CRX: variants seen among roughly 807,000 people sequenced by gnomAD.
The protein encoded by CRX is cone-rod homeobox protein.
Under a neutral mutation model 13.1 loss-of-function variants are expected in CRX, and 5 were observed. That is an observed-to-expected ratio of 0.38 (90% CI 0.20 to 0.80). The LOEUF (loss-of-function observed/expected upper bound fraction) is 0.80, where lower values mean the gene tolerates loss of function less well. Among genes scored for constraint, CRX ranks in the 30% least tolerant of loss-of-function variants. The pLI is 0.43. For missense variants in CRX, 351 were observed against 391.8 expected (o/e 0.90, Z 0.88); for synonymous variants, 179 against 171.1 (o/e 1.05, Z -0.36).
At chr19:47,828,526 A>G (rs1968003824) in intron 1 of CRX, among the ~76,000 whole-genome samples, 1 of 152,064 alleles carries the variant, frequency 6.6e-6, no homozygotes, top group Non-Finnish European at 1.5e-5. Flanking sequence ...CAGGTAACTG[A>G]TAGAATTTGA....
chr19:47,839,171 G>A lies in CRX; in HGVS notation c.253-149G>A, dbSNP rs1737616611. On this transcript the variant is annotated intron_variant, in intron 3 of 3. Coordinates refer to ENST00000221996, the MANE Select transcript of CRX (RefSeq NM_000554.6). The surrounding 1 kb of genome is among the most constrained non-coding windows in gnomAD (Gnocchi z 4.6). Reference sequence around the variant, plus strand: ...GATTGGATGGATAGATGGATGGATGGGTGAATAGACGCCCCACAGCTGGAT... The same window carrying A: ...GATTGGATGGATAGATGGATGGATGAGTGAATAGACGCCCCACAGCTGGAT... 8.9e-6 allele frequency: 7 copies of A among 785,654 alleles called. No individual in the cohort carries two copies. The South Asian group carries it at 1.2e-4, about 13-fold the overall frequency. The allele number at this position is 785,654 out of a possible 1,614,324, so 48.7% of individuals were successfully genotyped here.
At chr19:47,833,029 CTTTTTTTT>C (rs35088115) in intron 1 of CRX, among the ~76,000 whole-genome samples, 2 of 88,274 alleles carry the variant, frequency 2.3e-5, no homozygotes, top group Non-Finnish European at 4.4e-5. Context: ...TCCACACTCG[CTTTTTTTT>C]TTTTTTTTTT....
rs755208952 is a variant in CRX, at chr19:47,839,878, G to A, written c.811G>A (p.Asp271Asn). 9 of 1,613,938 alleles carry A rather than the reference G, an allele frequency of 5.6e-6. No homozygotes were observed. The highest frequency in any genetic ancestry group is 3.4e-6 in the Non-Finnish European group (4 of 1,180,040). The change falls in exon 4 of 4, where the codon GAC becomes AAC. Residue 271 changes from aspartate (D) to asparagine (N), a missense_variant. By Grantham distance (23) the Asp-to-Asn change is conservative. This residue lies in a region of CRX where 253 missense variants were observed against 268.3 expected (regional missense o/e 0.94). Coordinates refer to ENST00000221996, the MANE Select transcript of CRX (RefSeq NM_000554.6). The surrounding 1 kb of genome is among the most constrained non-coding windows in gnomAD (Gnocchi z 4.6). The part of the protein sequence containing the change: ...YSPVDSLEFK[D>N]PTGTWKFTYN... ...CCCCGTGGATAGCTTGGAATTCAAG[G>A]ACCCCACGGGCACCTGGAAATTCAC...
intron 1 of CRX, among the ~76,000 whole-genome samples, chr19:47,833,316 C>G (rs1968077544): frequency 6.6e-6 from 1 of 150,950 alleles, no homozygotes; most frequent in African/African-American, 2.4e-5. Context: ...GAGTCTCGCT[C>G]TGTCGCCCAG....
At chr19:47,829,333 T>C in intron 1 of CRX, among the ~76,000 whole-genome samples, 1 of 151,936 alleles carries the variant, frequency 6.6e-6, no homozygotes, top group Admixed American at 6.6e-5. Flanking sequence ...TACTTTATTA[T>C]TATGACTCTT....
chr19:47,834,344 G>A, intron 1 of CRX, 65 bp from the exon 2 acceptor site: 2 of 923,160 alleles, frequency 2.2e-6, no homozygotes, highest in Non-Finnish European at 3.6e-6. Flanking sequence ...TTGAATCGCA[G>A]CCTGCACGTC....
chr19:47,824,845 A>G (rs879902664), intron 1 of CRX, among the ~76,000 whole-genome samples: 1 of 151,898 alleles, frequency 6.6e-6, no homozygotes, highest in Non-Finnish European at 1.5e-5. Context: ...ACCCCTTGAA[A>G]TCATAAAACA....
intron 1 of CRX, among the ~76,000 whole-genome samples, chr19:47,831,123 A>C (rs1439634768): frequency 6.6e-6 from 1 of 151,840 alleles, no homozygotes; most frequent in Non-Finnish European, 1.5e-5. Context: ...CCTGGCCAAC[A>C]TGGTGAAACC....
intron 1 of CRX, among the ~76,000 whole-genome samples, chr19:47,823,649 GT>G (rs58548004): frequency 0.035 from 4,592 of 129,482 alleles, 78 homozygotes; most frequent in Middle Eastern, 0.064. Context: ...CATGAGTCTG[GT>G]TTTTTTTTTT....
Position 47,840,333 on chromosome 19 carries a change from C to T in CRX, c.*366C>T, listed in dbSNP as rs560185740. ...GGGGTCATGTTTAGGTCAGAATCAC[C>T]GTGCCCTTGAACAAGCAGGTAGGGG... On this transcript the variant is annotated 3_prime_UTR_variant, in exon 4 of 4. Transcript: ENST00000221996. 92 of 266,944 alleles carry T rather than the reference C, an allele frequency of 3.4e-4. 1 individual carries two copies. The South Asian group carries it at 4.0e-3, about 12-fold the overall frequency. The allele number at this position is 266,944 out of a possible 1,614,324, so 16.5% of individuals were successfully genotyped here.
At chr19:47,833,716 G>A (rs562657865) in intron 1 of CRX, among the ~76,000 whole-genome samples, 1 of 152,338 alleles carries the variant, frequency 6.6e-6, no homozygotes, top group East Asian at 1.9e-4. Flanking sequence ...GGCAAAGAGG[G>A]ACGGTTGGTC....
In CRX at chr19:47,839,793, G is replaced by A. The variant is rs371406142; in HGVS notation, c.726G>A (p.Val242=). The A allele has an allele frequency of 6.2e-7, 1 of 1,613,962 alleles. No individual in the cohort carries two copies. The highest frequency in any genetic ancestry group is 1.3e-5 in the African/African-American group (1 of 74,884). ...TTAGCCCCCTCTCTGGCCCCTCCGT[G>A]GGACCTTCCCTGGCCCAGTCCCCCA... is the stretch of plus-strand genomic sequence containing the variant. ...PALSPLSGPS[V]GPSLAQSPTS... is the part of the protein sequence containing the mutation. Residue 242 remains valine, a synonymous_variant, in exon 4 of 4, where the codon GTG becomes GTA. Coordinates refer to ENST00000221996, the MANE Select transcript of CRX (RefSeq NM_000554.6). This position sits in a 1 kb window ranked among gnomAD's most constrained non-coding sequence, Gnocchi z 4.6.
At chr19:47,831,306 C>CAAAA (rs5828320) in intron 1 of CRX, among the ~76,000 whole-genome samples, 23 of 78,500 alleles carry the variant, frequency 2.9e-4, no homozygotes, top group South Asian at 5.4e-4. Flanking sequence ...GACTCTGTCT[C>CAAAA]AAAAAAAAAA....
chr19:47,839,688 C>T lies in CRX; in HGVS notation c.621C>T (p.Ala207=). The change falls in exon 4 of 4, where the codon GCC becomes GCT. Residue 207 remains alanine, a synonymous_variant. Transcript: ENST00000221996. The surrounding 1 kb of genome is among the most constrained non-coding windows in gnomAD (Gnocchi z 4.6). The part of the protein sequence containing the change: ...PASAFCSSPS[A]YGSPSSYFSG... Reference sequence around the variant, plus strand: ...CCGCTTTCTGCTCTTCCCCCTCCGCCTATGGGTCTCCGAGCTCCTATTTCA... The same window carrying T: ...CCGCTTTCTGCTCTTCCCCCTCCGCTTATGGGTCTCCGAGCTCCTATTTCA... The T allele has an allele frequency of 6.2e-7, 1 of 1,613,968 alleles. No homozygotes were observed. The highest frequency in any genetic ancestry group is 8.5e-7 in the Non-Finnish European group (1 of 1,180,010).
At chr19:47,832,321 G>C (rs867492493) in intron 1 of CRX, among the ~76,000 whole-genome samples, 46 of 149,386 alleles carry the variant, frequency 3.1e-4, no homozygotes, top group African/African-American at 1.1e-3. Context: ...GGCCAGGCTG[G>C]TCTCGAACTT....
At chr19:47,838,631 A>T (rs1470542510) in intron 3 of CRX, among the ~76,000 whole-genome samples, 1 of 150,380 alleles carries the variant, frequency 6.6e-6, no homozygotes, top group Non-Finnish European at 1.5e-5. Context: ...TATGTGTATG[A>T]TGTATGTATG....
chr19:47,832,089 C>T (rs1429483157), intron 1 of CRX, among the ~76,000 whole-genome samples: 1 of 135,646 alleles, frequency 7.4e-6, no homozygotes, highest in South Asian at 2.3e-4. Context: ...AAAATCAGTT[C>T]AGAGAGCAGC....
intron 1 of CRX, among the ~76,000 whole-genome samples, chr19:47,828,757 C>T (rs576266228): frequency 6.6e-5 from 10 of 151,862 alleles, no homozygotes; most frequent in South Asian, 2.1e-4. Context: ...GCCCAGGAAA[C>T]GGCTTATGCA....
At chr19:47,833,326 G>A (rs571472611) in intron 1 of CRX, among the ~76,000 whole-genome samples, 2 of 151,272 alleles carry the variant, frequency 1.3e-5, no homozygotes, top group South Asian at 4.2e-4. Context: ...CTGTCGCCCA[G>A]GCTGGAGTGC....
Sources: allele counts gnomAD v4.1 joint callset (sites outside exome capture counted in the v4.1 genomes callset), GRCh38; gene constraint gnomAD v4.1.1; regional missense constraint gnomAD v4.1.1; non-coding constraint Gnocchi (gnomAD v3.1); transcripts MANE v1.5; gene names NCBI Gene and HGNC (gene_info 2026-07-23, HGNC 2026-07-21).